The following ZNF467 variants were observed in gnomAD, a reference collection of about 807,000 sequenced individuals.
ZNF467 encodes the protein zinc finger protein 467, also known as zinc finger protein EZI.
In ZNF467, 51 loss-of-function variants were observed where a neutral mutation model predicts 47.8. The ratio of observed to expected loss-of-function variants is 1.07; its 90% CI spans 0.85 to 1.35. ZNF467 has a LOEUF of 1.35. ZNF467 is among the 40% of genes most tolerant of loss of function. The pLI is 0.00. For synonymous variants in ZNF467, 416 were observed against 372.9 expected (o/e 1.12, Z -1.33); for missense variants, 992 against 858.1 (o/e 1.16, Z -1.95).
chr7:149,775,648 T>G (rs75924200), upstream of ZNF467, among the ~76,000 whole-genome samples: 11,663 of 151,310 alleles, frequency 0.077, 1,097 homozygotes, highest in African/African-American at 0.22. Context: ...GGCCCAGAAA[T>G]GGAGGGTGGC....
chr7:149,769,210 A>C lies in ZNF467; in HGVS notation c.152-10T>G. 2 of 1,549,798 alleles carry C rather than the reference A, an allele frequency of 1.3e-6. No homozygotes were observed. Among genetic ancestry groups the C allele is most frequent in the East Asian group, 2.4e-5 (1 of 41,026 alleles). On this transcript the variant is annotated splice_polypyrimidine_tract_variant and intron_variant, in intron 3 of 4. Transcript: ENST00000302017. The surrounding 1 kb of genome is among the most constrained non-coding windows in gnomAD (Gnocchi z 5.3). ...GTAGGGGCCTCGTGCCCTGGCAGAG[A>C]ATAGGATACCTCAAGGACTCTGGAG...
upstream of ZNF467, chr7:149,776,302 C>T (rs774877738): frequency 1.5e-6 from 2 of 1,335,196 alleles, no homozygotes; most frequent in Non-Finnish European, 1.0e-6. Context: ...CTTTTGGTGA[C>T]AGAGGGAATG....
In ZNF467 at chr7:149,766,015, C is replaced by G; in HGVS notation, c.487G>C (p.Gly163Arg). The change falls in exon 5 of 5, where the codon GGG becomes CGG. Residue 163 changes from glycine to arginine, a missense_variant. Coordinates refer to ENST00000302017, the MANE Select transcript of ZNF467 (RefSeq NM_207336.3). Reference protein sequence around the residue: ...GPMPEKPYGCGECERRFRDQL... With the variant: ...GPMPEKPYGCRECERRFRDQL... ...TCCCGGAAGCGCCGCTCACACTCCCCGCAGCCGTAGGGCTTCTCCGGCATC... is the reference window on the plus strand; with the variant it reads ...TCCCGGAAGCGCCGCTCACACTCCCGGCAGCCGTAGGGCTTCTCCGGCATC... 6.4e-7 allele frequency: 1 copy of G among 1,573,742 alleles called. No individual in the cohort carries two copies. Among genetic ancestry groups the G allele is most frequent in the Admixed American group, 1.9e-5 (1 of 53,674 alleles).
chr7:149,768,622 G>A (rs1799293002), intron 4 of ZNF467, among the ~76,000 whole-genome samples: 1 of 152,224 alleles, frequency 6.6e-6, no homozygotes, highest in Non-Finnish European at 1.5e-5. Context: ...TTGAGAGAGA[G>A]TGAGCAGTTT....
In ZNF467 at chr7:149,765,041, GA is replaced by G; in HGVS notation, c.1460del (p.Phe487SerfsTer44). ...HSRAHSGARP[F>X]ACAQCGRRFS... ...AGCGGCGGCCGCACTGAGCGCAGGCGAAAGGCCTGGCGCCGCTGTGGGCCCT... is the reference window on the plus strand; with the variant it reads ...AGCGGCGGCCGCACTGAGCGCAGGCGAAGGCCTGGCGCCGCTGTGGGCCCT... On this transcript the variant is annotated frameshift_variant, in exon 5 of 5. Coordinates refer to ENST00000302017, the MANE Select transcript of ZNF467 (RefSeq NM_207336.3). LOFTEE classifies it high-confidence loss of function. 6.5e-7 allele frequency: 1 copy of G among 1,531,916 alleles called. No individual in the cohort carries two copies. The highest frequency in any genetic ancestry group is 8.7e-7 in the Non-Finnish European group (1 of 1,145,106). 94.9% of individuals were successfully genotyped at this position (1,531,916 alleles called of 1,614,324 possible). A position where few individuals can be genotyped will look rare whatever the true frequency, so the allele number is the denominator to read the frequency against.
Position 149,765,991 on chromosome 7 carries a change from C to A in ZNF467, c.511G>T (p.Asp171Tyr). ...TGGTGCAGTCGCAACGTCAGCTGGT[C>A]CCGGAAGCGCCGCTCACACTCCCCG... ...GCGECERRFR[D>Y]QLTLRLHQRL... The change falls in exon 5 of 5, where the codon GAC becomes TAC. Residue 171 changes from aspartate to tyrosine, a missense_variant. Physicochemically the swap from Asp to Tyr is radical, Grantham distance 160. Transcript: ENST00000302017. 1 of 1,557,520 alleles carries A rather than the reference C, an allele frequency of 6.4e-7. No homozygotes were observed. Among genetic ancestry groups the A allele is most frequent in the Non-Finnish European group, 8.7e-7 (1 of 1,151,368 alleles).
rs1012871682 is a variant in ZNF467, at chr7:149,765,657, C to T, written c.845G>A (p.Arg282His). The change falls in exon 5 of 5, where the codon CGC becomes CAC. Residue 282 changes from arginine to histidine, a missense_variant. Transcript: ENST00000302017. ...GTGCCGAATCAAGTGCGTCTTCTTG[C>T]GAAAGCGCTTCTCGCATTCCGTGCA... ...FPCTECEKRFRKKTHLIRHQR... is the reference protein window; with the variant it reads ...FPCTECEKRFHKKTHLIRHQR... 2 of 1,611,684 alleles carry T rather than the reference C, an allele frequency of 1.2e-6. No individual in the cohort carries two copies. The highest frequency in any genetic ancestry group is 1.7e-4 in the Middle Eastern group (1 of 6,060).
intron 4 of ZNF467, among the ~76,000 whole-genome samples, chr7:149,767,514 C>T (rs944218466): frequency 1.3e-5 from 2 of 152,202 alleles, no homozygotes; most frequent in Admixed American, 6.5e-5. Flanking sequence ...CATTGTGGCA[C>T]TCTTTACTTT....
rs547057631 is a variant in ZNF467, at chr7:149,766,669, T to C, written c.263-430A>G. On this transcript the variant is annotated intron_variant, in intron 4 of 4. Coordinates refer to ENST00000302017, the MANE Select transcript of ZNF467 (RefSeq NM_207336.3). ...TGCAAACTGGCCGCAGCTCAGCAGC[T>C]TTCTCACCACACACCTGAGCTTCCC... Among the ~76,000 whole-genome samples the C allele has an allele frequency of 4.6e-5, 7 of 152,316 alleles. No homozygotes were observed. The East Asian group carries it at 1.3e-3, about 29-fold the overall frequency.
At chr7:149,771,669 C>A (rs1799411712) in intron 1 of ZNF467, among the ~76,000 whole-genome samples, 1 of 151,996 alleles carries the variant, frequency 6.6e-6, no homozygotes, top group Admixed American at 6.5e-5. Flanking sequence ...CGGACACCGC[C>A]CCTGCTGCCC....
chr7:149,776,180 C>T, upstream of ZNF467: 4 of 1,132,790 alleles, frequency 3.5e-6, no homozygotes, highest in Non-Finnish European at 4.7e-6. Context: ...TCCGTGCCCC[C>T]CACCCCCGGG....
chr7:149,771,167 A>C, intron 1 of ZNF467, 93 bp from the exon 2 acceptor site: 1 of 1,032,216 alleles, frequency 9.7e-7, no homozygotes, highest in East Asian at 2.5e-5. Flanking sequence ...GGGCTCTTCC[A>C]GGAGCTCCAA....
At chr7:149,775,456 A>G (rs1167729133), upstream of ZNF467, among the ~76,000 whole-genome samples, 1 of 152,200 alleles carries the variant, frequency 6.6e-6, no homozygotes, top group Admixed American at 6.5e-5. Flanking sequence ...AGACCCCATC[A>G]GTCGTTTAGC....
rs146526438 is a variant in ZNF467 at position 149,769,116 on chromosome 7, T to C, written c.236A>G (p.Lys79Arg). ...TGGGCAGGTACCCACAGGCTGAGCC[T>C]TCTGTGCTGAGCACGCCTGGCCTCT... ...PCRGQACSAQKAQPVGTCPGE... is the reference protein window; with the variant it reads ...PCRGQACSAQRAQPVGTCPGE... Residue 79 changes from lysine to arginine, a missense_variant, in exon 4 of 5, where the codon AAG becomes AGG. By Grantham distance (26) the Lys-to-Arg change is conservative. Coordinates refer to ENST00000302017, the MANE Select transcript of ZNF467 (RefSeq NM_207336.3). This position sits in a 1 kb window ranked among gnomAD's most constrained non-coding sequence, Gnocchi z 5.3. 5.5e-5 allele frequency: 86 copies of C among 1,556,610 alleles called. No homozygotes were observed. The highest frequency in any genetic ancestry group is 6.9e-5 in the Non-Finnish European group (79 of 1,149,518).
At chr7:149,774,262 C>A (rs527371399), upstream of ZNF467, among the ~76,000 whole-genome samples, 1 of 152,164 alleles carries the variant, frequency 6.6e-6, no homozygotes, top group East Asian at 1.9e-4. The surrounding 1 kb of genome is among the most constrained non-coding windows in gnomAD (Gnocchi z 5.7). Context: ...GCCCAGGTTA[C>A]GAGGTTTCTC....
Position 149,766,225 on chromosome 7 carries a change from T to C in ZNF467, c.277A>G (p.Ile93Val). Residue 93 changes from isoleucine to valine, a missense_variant, in exon 5 of 5, where the codon ATT becomes GTT. Physicochemically the swap from Ile to Val is conservative, Grantham distance 29 (BLOSUM62 3). Coordinates refer to ENST00000302017, the MANE Select transcript of ZNF467 (RefSeq NM_207336.3). ...TCGTCCTCCACCTTCACCTTCCGAA[T>C]CATCCACTCCTCTCCTGGAAAGTCA... ...VGTCPGEEWM[I>V]RKVKVEDEDQ... 6.6e-7 allele frequency: 1 copy of C among 1,523,284 alleles called. No individual in the cohort carries two copies. Among genetic ancestry groups the C allele is most frequent in the Non-Finnish European group, 8.8e-7 (1 of 1,134,758 alleles). The allele number at this position is 1,523,284 out of a possible 1,614,324, so 94.4% of individuals were successfully genotyped here.
In ZNF467 at chr7:149,764,403, A is replaced by C; in HGVS notation, c.*311T>G. The C allele has an allele frequency of 1.7e-6, 1 of 573,468 alleles. No individual in the cohort carries two copies. The highest frequency in any genetic ancestry group is 3.1e-6 in the Non-Finnish European group (1 of 323,570). The allele number at this position is 573,468 out of a possible 1,614,324, so 35.5% of individuals were successfully genotyped here. ...TTAATGAAACTTTAAGTACATAAATAACCACTCTTTCCTGCCCTGGTTGAG... is the reference window on the plus strand; with the variant it reads ...TTAATGAAACTTTAAGTACATAAATCACCACTCTTTCCTGCCCTGGTTGAG... On this transcript the variant is annotated 3_prime_UTR_variant, in exon 5 of 5. Transcript: ENST00000302017.
In ZNF467 at chr7:149,770,523, T is replaced by A. The variant is rs1799368386; in HGVS notation, c.68A>T (p.Gln23Leu). The part of the protein sequence containing the change: ...FSVGQPEMAP[Q>L]SEPREGSHNA... Reference sequence around the variant, plus strand: ...ATGGGATCCTTCCCTGGGCTCACTTTGGGGGGCCATCTCTGGCTGTCCCAC... The same window carrying A: ...ATGGGATCCTTCCCTGGGCTCACTTAGGGGGGCCATCTCTGGCTGTCCCAC... The change falls in exon 3 of 5, where the codon CAA becomes CTA. Residue 23 changes from glutamine to leucine, a missense_variant. Transcript: ENST00000302017. 1 of 1,613,570 alleles carries A rather than the reference T, an allele frequency of 6.2e-7. No homozygotes were observed. Among genetic ancestry groups the A allele is most frequent in the Admixed American group, 1.7e-5 (1 of 59,950 alleles).
chr7:149,776,081 C>T (rs1218535995), upstream of ZNF467: 3 of 1,365,024 alleles, frequency 2.2e-6, no homozygotes, highest in South Asian at 1.1e-5. Flanking sequence ...GGCGTGGGCC[C>T]TGGCTGACGG....
Sources: allele counts gnomAD v4.1 joint callset (sites outside exome capture counted in the v4.1 genomes callset), GRCh38; gene constraint gnomAD v4.1.1; non-coding constraint Gnocchi (gnomAD v3.1); transcripts MANE v1.5; gene names NCBI Gene and HGNC (gene_info 2026-07-23, HGNC 2026-07-21).